Variants in F13A1 observed in about 807,000 individuals in gnomAD.
F13A1 encodes FSF, A subunit.
A neutral mutation model predicts 80.1 loss-of-function variants in F13A1; 47 were observed. The observed-to-expected ratio is 0.59, with a 90% CI of 0.46 to 0.75. The LOEUF (loss-of-function observed/expected upper bound fraction) is 0.75. F13A1 is among the 30% of genes least tolerant of loss of function. The pLI is 0.00. For synonymous variants in F13A1, 349 were observed against 344.9 expected (o/e 1.01, Z -0.13); for missense variants, 817 against 930.4 (o/e 0.88, Z 1.59).
intron 10 of F13A1, among the ~76,000 whole-genome samples, chr6:6,189,169 CTT>C (rs1447502803): frequency 1.1e-5 from 1 of 88,896 alleles, no homozygotes; most frequent in South Asian, 4.7e-4. Flanking sequence ...GGTCTTGACT[CTT>C]TATCCAATTT....
chr6:6,166,373 C>T (rs577176166), intron 13 of F13A1, among the ~76,000 whole-genome samples: 5 of 152,300 alleles, frequency 3.3e-5, no homozygotes, highest in East Asian at 1.9e-4. Context: ...AAAGGATTCA[C>T]GAGAAGCAAG....
intron 3 of F13A1, among the ~76,000 whole-genome samples, chr6:6,296,723 T>C (rs1182359412): frequency 6.8e-6 from 1 of 146,216 alleles, no homozygotes; most frequent in Non-Finnish European, 1.5e-5. Context: ...CTTCTCCTAA[T>C]TGAATACCCT....
chr6:6,182,949 A>G (rs1373905059), intron 10 of F13A1, among the ~76,000 whole-genome samples: 1 of 152,196 alleles, frequency 6.6e-6, no homozygotes, highest in African/African-American at 2.4e-5. Context: ...TTCAGCAACT[A>G]AAATGTGCTA....
Position 6,243,062 on chromosome 6 carries a change from A to G in F13A1, c.798+5250T>C, listed in dbSNP as rs1400222526. Among the ~76,000 whole-genome samples, 1 of 152,118 alleles carries G rather than the reference A, an allele frequency of 6.6e-6. No individual in the cohort carries two copies. Among genetic ancestry groups the G allele is most frequent in the Non-Finnish European group, 1.5e-5 (1 of 68,012 alleles). ...TTCAGACTGGTAGATTGCCATAAAC[A>G]TTTGTCAAACAAATGAGTAAATACT... is the stretch of plus-strand genomic sequence containing the variant. On this transcript the variant is annotated intron_variant, in intron 6 of 14. Transcript: ENST00000264870. The surrounding 1 kb of genome is among the most constrained non-coding windows in gnomAD (Gnocchi z 4.2).
intron 3 of F13A1, among the ~76,000 whole-genome samples, chr6:6,272,316 G>A (rs138076676): frequency 6.6e-5 from 10 of 152,324 alleles, no homozygotes; most frequent in African/African-American, 1.7e-4. Context: ...GGTATGGTCA[G>A]TATGGTTGAA....
chr6:6,159,564 T>A (rs149602689), intron 13 of F13A1, among the ~76,000 whole-genome samples: 1 of 152,104 alleles, frequency 6.6e-6, no homozygotes, highest in Non-Finnish European at 1.5e-5. Flanking sequence ...CAGGGCTTGA[T>A]GGTTGGCGAG....
At chr6:6,196,514 T>TA (rs1761294142) in intron 9 of F13A1, among the ~76,000 whole-genome samples, 1 of 152,218 alleles carries the variant, frequency 6.6e-6, no homozygotes, top group Non-Finnish European at 1.5e-5. Flanking sequence ...CTTTCTTCCT[T>TA]AAAGCCTAGG....
At chr6:6,318,079 C>T (rs371881407) in intron 2 of F13A1, among the ~76,000 whole-genome samples, 12 of 152,136 alleles carry the variant, frequency 7.9e-5, no homozygotes, top group South Asian at 2.1e-4. Context: ...CACTTCTCCC[C>T]GGCTCTGAAA....
intron 3 of F13A1, among the ~76,000 whole-genome samples, chr6:6,271,016 C>T (rs1167925787): frequency 6.6e-6 from 1 of 152,164 alleles, no homozygotes; most frequent in Non-Finnish European, 1.5e-5. Flanking sequence ...GCTGAGCAAT[C>T]CTGCTGATAC....
At chr6:6,158,037 A>T (rs1169595180) in intron 13 of F13A1, among the ~76,000 whole-genome samples, 1 of 152,116 alleles carries the variant, frequency 6.6e-6, no homozygotes, top group Non-Finnish European at 1.5e-5. Flanking sequence ...GTTTGGTCCC[A>T]CGGCCACAAT....
chr6:6,291,873 G>A (rs984216935), intron 3 of F13A1, among the ~76,000 whole-genome samples: 7 of 152,098 alleles, frequency 4.6e-5, no homozygotes, highest in South Asian at 2.1e-4. Flanking sequence ...ACCTCCTCCC[G>A]AAGCTTCAGA....
At chr6:6,211,784 G>A (rs570960655) in intron 8 of F13A1, among the ~76,000 whole-genome samples, 4 of 152,362 alleles carry the variant, frequency 2.6e-5, no homozygotes, top group South Asian at 4.1e-4. Context: ...ATCTCACTAG[G>A]GAGTGCCAGA....
chr6:6,266,662 C>T lies in F13A1; in HGVS notation c.467G>A (p.Gly156Glu). The change falls in exon 4 of 15, where the codon GGG becomes GAG. Residue 156 changes from glycine to glutamate, a missense_variant. Physicochemically the swap from Gly to Glu is moderately conservative, Grantham distance 98. Coordinates refer to ENST00000264870, the MANE Select transcript of F13A1 (RefSeq NM_000129.4). ...SIQSSPKCIV[G>E]KFRMYVAVWT... ...GACAGCAACATACATGCGGAATTTCCCCACAATACATTTGGGGGAAGACTG... is the reference window on the plus strand; with the variant it reads ...GACAGCAACATACATGCGGAATTTCTCCACAATACATTTGGGGGAAGACTG... 6.2e-7 allele frequency: 1 copy of T among 1,614,138 alleles called. No homozygotes were observed. The highest frequency in any genetic ancestry group is 1.1e-5 in the South Asian group (1 of 91,078).
rs376819792 is a variant in F13A1, at chr6:6,145,921, G to C, written c.2046-149C>G. 167 of 1,018,668 alleles carry C rather than the reference G, an allele frequency of 1.6e-4. 1 individual carries two copies. In the East Asian group the frequency reaches 3.5e-3, roughly 21 times the overall value. The allele number at this position is 1,018,668 out of a possible 1,614,324, so 63.1% of individuals were successfully genotyped here. A position where few individuals can be genotyped will look rare whatever the true frequency, so the allele number is the denominator to read the frequency against. On this transcript the variant is annotated intron_variant, in intron 14 of 14. Coordinates refer to ENST00000264870, the MANE Select transcript of F13A1 (RefSeq NM_000129.4). ...AGACTCTCACTGGCTGATTCAGCAAGTTATGCCCCAAATGAGGCCCCCACA... is the reference window on the plus strand; with the variant it reads ...AGACTCTCACTGGCTGATTCAGCAACTTATGCCCCAAATGAGGCCCCCACA...
Position 6,174,722 on chromosome 6 carries a change from C to T in F13A1, c.1605G>A (p.Lys535=), listed in dbSNP as rs778389185. ...TGTTGTTCCGGAAGGTGATGGAGAG[C>T]TTGAAGTCTTTTCCCAGCACAGCAT... ...VENAVLGKDF[K]LSITFRNNSH... Residue 535 remains lysine, a synonymous_variant, in exon 12 of 15, where the codon AAG becomes AAA. Transcript: ENST00000264870. The T allele has an allele frequency of 1.2e-6, 2 of 1,614,130 alleles. No homozygotes were observed. The highest frequency in any genetic ancestry group is 2.7e-5 in the African/African-American group (2 of 75,018).
intron 8 of F13A1, among the ~76,000 whole-genome samples, chr6:6,206,191 TATG>T (rs1334272939): frequency 6.6e-6 from 1 of 152,230 alleles, no homozygotes; most frequent in African/African-American, 2.4e-5. Context: ...TATTTATGAA[TATG>T]ATATTCTACA....
intron 8 of F13A1, among the ~76,000 whole-genome samples, chr6:6,198,837 T>G (rs895158907): frequency 2.0e-5 from 3 of 152,192 alleles, no homozygotes; most frequent in Non-Finnish European, 2.9e-5. Context: ...AAATGATCCC[T>G]GGTAAAACGG....
chr6:6,300,016 T>C lies in F13A1; in HGVS notation c.319+5335A>G, dbSNP rs1440025648. Among the ~76,000 whole-genome samples the C allele has an allele frequency of 1.4e-5, 2 of 147,250 alleles. 1 individual carries two copies. Among genetic ancestry groups the C allele is most frequent in the Non-Finnish European group, 2.9e-5 (2 of 67,936 alleles). The stretch of plus-strand genomic sequence containing the variant: ...TGTTGGAGTACCCTGCCGTGTGAAG[T>C]GTCAGTGTGCCCCTGCTGGGGGGTG... On this transcript the variant is annotated intron_variant, in intron 3 of 14. Coordinates refer to ENST00000264870, the MANE Select transcript of F13A1 (RefSeq NM_000129.4).
At chr6:6,156,864 C>T (rs562354546) in intron 13 of F13A1, among the ~76,000 whole-genome samples, 2 of 152,298 alleles carry the variant, frequency 1.3e-5, no homozygotes, top group East Asian at 3.9e-4. Context: ...TCATATGGCT[C>T]GTGGCTACTG....
Sources: gnomAD v4.1 joint callset for allele counts (sites outside exome capture counted in the v4.1 genomes callset) on GRCh38, gnomAD v4.1.1 for gene constraint, Gnocchi (gnomAD v3.1) non-coding constraint, MANE v1.5 for transcripts, NCBI Gene and HGNC (gene_info 2026-07-23, HGNC 2026-07-21) for gene names.